CFAP77: variants seen among roughly 807,000 people sequenced by gnomAD.
CFAP77 encodes the protein cilia and flagella associated protein 77.
CFAP77 carries 25 observed loss-of-function variants against 31.1 expected under a neutral mutation model. The ratio of observed to expected loss-of-function variants is 0.80; its 90% confidence interval spans 0.59 to 1.12. The LOEUF is 1.12. Ranked by LOEUF, CFAP77 falls within the 50% of genes most tolerant of loss-of-function variation. The pLI, the probability that CFAP77 is intolerant of heterozygous loss-of-function variation, is 0.00. For missense variants in CFAP77, 377 were observed against 397.3 expected, an observed-to-expected ratio of 0.95 and a Z score of 0.44; for synonymous variants, 151 against 159.9, an observed-to-expected ratio of 0.94 and a Z score of 0.42.
At chr9:132,519,499 C>G (rs1472440300) in intron 3 of CFAP77, among the ~76,000 whole-genome samples, 13 of 6,116 alleles carry the variant, frequency 2.1e-3, no homozygotes, top group South Asian at 0.012. Flanking sequence ...TGGGTGGATG[C>G]ATGGATGGGT....
chr9:132,431,979 A>T (rs1391398335), intron 1 of CFAP77, among the ~76,000 whole-genome samples: 1 of 152,116 alleles, frequency 6.6e-6, no homozygotes, highest in Non-Finnish European at 1.5e-5. Flanking sequence ...TTCAAACGAG[A>T]TTCCTAAAAA....
At chr9:132,550,058 G>A (rs1852799727) in intron 5 of CFAP77, among the ~76,000 whole-genome samples, 1 of 152,200 alleles carries the variant, frequency 6.6e-6, no homozygotes, top group Non-Finnish European at 1.5e-5. Flanking sequence ...CAAGTTCCTA[G>A]AGCAGCACTC....
At position 132,517,670 on chromosome 9, in the gene CFAP77, T is replaced by C. The variant is rs1378190009; in HGVS notation, c.524+18070T>C. On this transcript the variant is annotated intron_variant, in intron 3 of 5. Coordinates refer to ENST00000393216, the MANE Select transcript of CFAP77 (RefSeq NM_001282957.2). This position sits in a 1 kb window ranked among gnomAD's most constrained non-coding sequence, Gnocchi z 4.7. ...TTTTAATGAGCAGCGAAGATGAAGA[T>C]GGGTTGCCATGAAAGGGCCCCTCTA... Among the ~76,000 whole-genome samples the C allele has an allele frequency of 4.6e-5, 7 of 152,350 alleles. No individual in the cohort carries two copies. In the East Asian group the frequency reaches 1.4e-3, roughly 29 times the overall value.
chr9:132,489,280 T>G (rs1456278812), intron 1 of CFAP77, among the ~76,000 whole-genome samples: 1 of 152,210 alleles, frequency 6.6e-6, no homozygotes, highest in African/African-American at 2.4e-5. Flanking sequence ...GAAAGGGGTC[T>G]CTTCTCTTTT....
In CFAP77 at chr9:132,424,970, G is replaced by A. The variant is rs1239981332; in HGVS notation, c.195+14504G>A. Among the ~76,000 whole-genome samples, 1 of 152,132 alleles carries A rather than the reference G, an allele frequency of 6.6e-6. No individual in the cohort carries two copies. The highest frequency in any genetic ancestry group is 1.9e-4 in the East Asian group (1 of 5,194). On this transcript the variant is annotated intron_variant, in intron 1 of 5. Transcript: ENST00000393216. This position sits in a 1 kb window ranked among gnomAD's most constrained non-coding sequence, Gnocchi z 4.1. ...GAAAAGCACAGTCCCGCTCACCCTC[G>A]CAGTTAGTTAGCATTTAGATAGACT...
At chr9:132,428,047 G>A (rs971164594) in intron 1 of CFAP77, among the ~76,000 whole-genome samples, 1 of 151,138 alleles carries the variant, frequency 6.6e-6, no homozygotes, top group Admixed American at 6.6e-5. Context: ...CACCCAGGCT[G>A]GAGTTCAGTG....
chr9:132,420,299 G>C (rs1850190218), intron 1 of CFAP77, among the ~76,000 whole-genome samples: 1 of 151,970 alleles, frequency 6.6e-6, no homozygotes, highest in Non-Finnish European at 1.5e-5. Flanking sequence ...GGATGGACTA[G>C]ATTCCACTGG....
chr9:132,513,145 A>T, intron 3 of CFAP77: 1 of 1,160,202 alleles, frequency 8.6e-7, no homozygotes, highest in Non-Finnish European at 1.2e-6. Context: ...CCAGCTCCTC[A>T]AGCACACAAT....
At position 132,554,702 on chromosome 9, in the gene CFAP77, A is replaced by G. The variant is rs1852870872; in HGVS notation, c.732+11655A>G. 6.6e-6 allele frequency among the ~76,000 whole-genome samples: 1 copy of G among 152,218 alleles called. No individual in the cohort carries two copies. The highest frequency in any genetic ancestry group is 2.4e-5 in the African/African-American group (1 of 41,456). ...ACCTTCAAATCACTTGGAAGGAGAC[A>G]GGGTACAACTACTGAAGAAAGTAAA... On this transcript the variant is annotated intron_variant, in intron 5 of 5. Coordinates refer to ENST00000393216, the MANE Select transcript of CFAP77 (RefSeq NM_001282957.2). This position sits in a 1 kb window ranked among gnomAD's most constrained non-coding sequence, Gnocchi z 4.1.
intron 5 of CFAP77, among the ~76,000 whole-genome samples, chr9:132,571,519 C>T (rs1416583583): frequency 6.6e-6 from 1 of 152,208 alleles, no homozygotes; most frequent in African/African-American, 2.4e-5. Flanking sequence ...AGCCGAGTCT[C>T]TCTGGTTTAC....
In CFAP77 at chr9:132,455,476, C is replaced by G. The variant is rs1029399487; in HGVS notation, c.196-43219C>G. Among the ~76,000 whole-genome samples the G allele has an allele frequency of 2.0e-5, 3 of 151,112 alleles. No individual in the cohort carries two copies. Among genetic ancestry groups the G allele is most frequent in the African/African-American group, 7.3e-5 (3 of 41,058 alleles). On this transcript the variant is annotated intron_variant, in intron 1 of 5. Transcript: ENST00000393216. The surrounding 1 kb of genome is among the most constrained non-coding windows in gnomAD (Gnocchi z 4.1). Reference sequence around the variant, plus strand: ...TGAGCTGAGATCGTGCCACTGTACTCTAGCCTGGGTGGCAGAGCGAGACTC... The same window carrying G: ...TGAGCTGAGATCGTGCCACTGTACTGTAGCCTGGGTGGCAGAGCGAGACTC...
intron 1 of CFAP77, among the ~76,000 whole-genome samples, chr9:132,496,005 A>G (rs1221804492): frequency 6.6e-6 from 1 of 152,206 alleles, no homozygotes; most frequent in Non-Finnish European, 1.5e-5. Flanking sequence ...ATAATTTGCT[A>G]TGGCAGCCTA....
chr9:132,450,297 G>C (rs1258046236), intron 1 of CFAP77, among the ~76,000 whole-genome samples: 2 of 151,962 alleles, frequency 1.3e-5, no homozygotes, highest in East Asian at 1.9e-4. Context: ...AAAGCATTTG[G>C]AGAAGCAGGG....
At chr9:132,570,970 C>T (rs906350357) in intron 5 of CFAP77, among the ~76,000 whole-genome samples, 2 of 152,026 alleles carry the variant, frequency 1.3e-5, no homozygotes, top group African/African-American at 2.4e-5. Context: ...GGGGATTCCA[C>T]GTGGCCCCGA....
intron 1 of CFAP77, among the ~76,000 whole-genome samples, chr9:132,417,943 G>A (rs1258029984): frequency 6.6e-6 from 1 of 152,114 alleles, no homozygotes; most frequent in African/African-American, 2.4e-5. Context: ...TGTTTCCTGT[G>A]GCCATGTGCC....
chr9:132,551,146 G>A (rs1852814657), intron 5 of CFAP77, among the ~76,000 whole-genome samples: 1 of 152,118 alleles, frequency 6.6e-6, no homozygotes, highest in Non-Finnish European at 1.5e-5. Context: ...AAAAATGTGG[G>A]CAGTTTGACC....
At chr9:132,467,427 T>A (rs1034124531) in intron 1 of CFAP77, among the ~76,000 whole-genome samples, 2 of 152,166 alleles carry the variant, frequency 1.3e-5, no homozygotes, top group African/African-American at 2.4e-5. Flanking sequence ...TTTAGGTACT[T>A]CATATAAGTG....
chr9:132,556,565 CA>C (rs1211384317), intron 5 of CFAP77, among the ~76,000 whole-genome samples: 1 of 152,204 alleles, frequency 6.6e-6, no homozygotes, highest in Non-Finnish European at 1.5e-5. Flanking sequence ...AACACACACA[CA>C]CTCTCTCCCA....
chr9:132,526,034 T>C (rs1852354002), intron 3 of CFAP77, among the ~76,000 whole-genome samples: 1 of 152,210 alleles, frequency 6.6e-6, no homozygotes, highest in Non-Finnish European at 1.5e-5. Flanking sequence ...TTTGCACTGT[T>C]ACAGCTAAAG....
Sources: gnomAD v4.1 joint callset for allele counts (sites outside exome capture counted in the v4.1 genomes callset) on GRCh38, gnomAD v4.1.1 for gene constraint, Gnocchi (gnomAD v3.1) non-coding constraint, MANE v1.5 for transcripts, NCBI Gene and HGNC (gene_info 2026-07-23, HGNC 2026-07-21) for gene names.